Variants in CDYL observed in about 807,000 individuals in gnomAD.
CDYL encodes chromodomain Y like, also known as chromodomain Y-like protein.
Under a neutral mutation model 47.3 loss-of-function variants are expected in CDYL, and 8 were observed. The ratio of observed to expected loss-of-function variants is 0.17; its 90% CI spans 0.10 to 0.31. The LOEUF is 0.31. CDYL is among the 10% of genes least tolerant of loss of function. The pLI is 1.00. For missense variants in CDYL, 471 were observed against 701.4 expected, an observed-to-expected ratio of 0.67 and a Z score of 3.71; for synonymous variants, 266 against 265.0, an observed-to-expected ratio of 1.00 and a Z score of -0.04.
intron 4 of CDYL, among the ~76,000 whole-genome samples, chr6:4,940,095 G>C (rs1304397604): frequency 2.6e-5 from 4 of 152,180 alleles, no homozygotes; most frequent in Non-Finnish European, 5.9e-5. Flanking sequence ...GATCCAGCCA[G>C]GTTTAAGTGG....
chr6:4,746,294 G>A (rs1757895702), intron 3 of CDYL, among the ~76,000 whole-genome samples: 1 of 151,576 alleles, frequency 6.6e-6, no homozygotes, highest in Non-Finnish European at 1.5e-5. Flanking sequence ...AACCCGGGAG[G>A]CGGAGGTTGC....
At chr6:4,719,927 G>A (rs1757337580) in intron 2 of CDYL, among the ~76,000 whole-genome samples, 1 of 152,186 alleles carries the variant, frequency 6.6e-6, no homozygotes, top group African/African-American at 2.4e-5. Flanking sequence ...TATCCCCACT[G>A]TGTACAACAA....
chr6:4,822,971 C>T (rs1182502355), intron 1 of CDYL, among the ~76,000 whole-genome samples: 1 of 152,178 alleles, frequency 6.6e-6, no homozygotes, highest in South Asian at 2.1e-4. Flanking sequence ...ATTCCTGAAG[C>T]CTGCCCAATT....
chr6:4,741,351 C>T (rs2127417049), intron 3 of CDYL, among the ~76,000 whole-genome samples: 1 of 152,280 alleles, frequency 6.6e-6, no homozygotes, highest in Non-Finnish European at 1.5e-5. Flanking sequence ...GTCATGGTTA[C>T]ATTCAGCTTC....
At chr6:4,819,162 C>CTCTCTCTCTCTCTCTGTGTGTG (rs1016051589) in intron 1 of CDYL, among the ~76,000 whole-genome samples, 16 of 111,994 alleles carry the variant, frequency 1.4e-4, no homozygotes, top group African/African-American at 7.7e-4. Flanking sequence ...CTCTCTCTCT[C>CTCTCTCTCTCTCTCTGTGTGTG]TGTGTGTGTG....
intron 1 of CDYL, among the ~76,000 whole-genome samples, chr6:4,880,554 G>C (rs865798164): frequency 3.3e-5 from 5 of 152,154 alleles, no homozygotes; most frequent in African/African-American, 1.2e-4. Context: ...AAATACTAGG[G>C]ATCGTGATTG....
intron 2 of CDYL, among the ~76,000 whole-genome samples, chr6:4,930,068 ATT>A (rs1408911349): frequency 2.0e-5 from 3 of 152,148 alleles, no homozygotes; most frequent in Admixed American, 2.0e-4. Context: ...CTAGAGCTAG[ATT>A]AGTTCCACTG....
intron 5 of CDYL, among the ~76,000 whole-genome samples, chr6:4,950,275 C>T (rs992584222): frequency 1.4e-4 from 22 of 152,152 alleles, no homozygotes; most frequent in African/African-American, 4.8e-4. Flanking sequence ...GTGATTGAAC[C>T]GCAGACACCA....
chr6:4,938,849 T>C (rs2127521971), intron 4 of CDYL, among the ~76,000 whole-genome samples: 1 of 152,340 alleles, frequency 6.6e-6, no homozygotes, highest in African/African-American at 2.4e-5. Flanking sequence ...AGCAAAACTT[T>C]CTCTAAAACC....
Position 4,785,303 on chromosome 6 carries a change from C to G in CDYL, c.24+8496C>G, listed in dbSNP as rs181778865. 6.6e-5 allele frequency among the ~76,000 whole-genome samples: 10 copies of G among 152,304 alleles called. No individual in the cohort carries two copies. In the East Asian group the frequency reaches 1.9e-3, roughly 29 times the overall value. ...ATCACTGTAGTTAAGCAACGTGTGA[C>G]CGTATAGTATACTTTCTTTTTTGTG... is the stretch of plus-strand genomic sequence containing the variant. On this transcript the variant is annotated intron_variant, in intron 1 of 6. Coordinates refer to ENST00000397588, the MANE Select transcript of CDYL (RefSeq NM_004824.4).
rs532106969 is a variant in CDYL at position 4,706,653 on chromosome 6, G to A, written c.-39+402G>A. Among the ~76,000 whole-genome samples the A allele has an allele frequency of 3.9e-5, 6 of 152,244 alleles. No individual in the cohort carries two copies. The South Asian group carries it at 1.2e-3, about 32-fold the overall frequency. ...AAATTACAAAAATTAGCCAGGTGTGGTGGTGCGCGCCTGTAATTCCAGTTA... is the reference window on the plus strand; with the variant it reads ...AAATTACAAAAATTAGCCAGGTGTGATGGTGCGCGCCTGTAATTCCAGTTA... On this transcript the variant is annotated intron_variant, in intron 1 of 8. Coordinates refer to the CDYL transcript ENST00000328908.
At chr6:4,802,671 T>C (rs1759258222) in intron 1 of CDYL, among the ~76,000 whole-genome samples, 2 of 152,244 alleles carry the variant, frequency 1.3e-5, no homozygotes, top group Admixed American at 1.3e-4. Flanking sequence ...GTCTGTTTCA[T>C]GAGCGTGTCT....
chr6:4,852,563 TCTTC>T (rs754081131), intron 1 of CDYL, among the ~76,000 whole-genome samples: 19 of 108,004 alleles, frequency 1.8e-4, no homozygotes, highest in South Asian at 1.5e-3. Flanking sequence ...TTCCTTCCAA[TCTTC>T]CTTCCTTCCT....
At chr6:4,809,355 T>C (rs1332563839) in intron 1 of CDYL, among the ~76,000 whole-genome samples, 2 of 152,216 alleles carry the variant, frequency 1.3e-5, no homozygotes, top group Non-Finnish European at 2.9e-5. Context: ...GCATTTAGAA[T>C]GTTTCTGGTG....
chr6:4,837,253 A>G (rs1185148439), intron 1 of CDYL, among the ~76,000 whole-genome samples: 3 of 152,352 alleles, frequency 2.0e-5, no homozygotes, highest in South Asian at 2.1e-4. Flanking sequence ...TTATCATTCA[A>G]ATGGAGGCAC....
intron 1 of CDYL, among the ~76,000 whole-genome samples, chr6:4,709,815 G>A (rs917088485): frequency 1.3e-5 from 2 of 152,092 alleles, no homozygotes; most frequent in South Asian, 4.1e-4. Flanking sequence ...AGCTTGATTC[G>A]GTGTGAGGCA....
chr6:4,774,179 T>C (rs1419177080), upstream of CDYL, among the ~76,000 whole-genome samples: 3 of 152,206 alleles, frequency 2.0e-5, no homozygotes, highest in Non-Finnish European at 2.9e-5. Flanking sequence ...TTTGTATTGG[T>C]CCATCATTGC....
chr6:4,896,791 G>C (rs144387106), intron 2 of CDYL, among the ~76,000 whole-genome samples: 4 of 152,244 alleles, frequency 2.6e-5, no homozygotes, highest in Middle Eastern at 3.4e-3. Flanking sequence ...GATACTGGTG[G>C]AGTCATTGGG....
intron 1 of CDYL, among the ~76,000 whole-genome samples, chr6:4,814,011 C>T (rs1759601859): frequency 6.7e-6 from 1 of 149,638 alleles, no homozygotes; most frequent in Non-Finnish European, 1.5e-5. Context: ...CCAGCTTGAA[C>T]TCAAGTGATC....
Sources: gnomAD v4.1 joint callset for allele counts (sites outside exome capture counted in the v4.1 genomes callset) on GRCh38, gnomAD v4.1.1 for gene constraint, MANE v1.5 for transcripts, NCBI Gene and HGNC (gene_info 2026-07-23, HGNC 2026-07-21) for gene names.